The following FBLN5 variants were observed in gnomAD, a reference collection of about 807,000 sequenced individuals.
FBLN5 encodes fibulin 5.
A neutral mutation model predicts 61.6 loss-of-function variants in FBLN5; 24 were observed. The observed-to-expected ratio is 0.39, with a 90% CI of 0.28 to 0.55. FBLN5 has a LOEUF of 0.55. Among genes scored for constraint, FBLN5 ranks in the 20% least tolerant of loss-of-function variants. FBLN5 has a pLI of 0.65. For missense variants in FBLN5, 470 were observed against 594.1 expected, an observed-to-expected ratio of 0.79 and a Z score of 2.17; for synonymous variants, 213 against 219.8, an observed-to-expected ratio of 0.97 and a Z score of 0.27.
chr14:91,894,991 G>A lies in FBLN5; in HGVS notation c.461C>T (p.Ser154Phe), dbSNP rs755624138. 1 of 1,614,152 alleles carries A rather than the reference G, an allele frequency of 6.2e-7. No individual in the cohort carries two copies. The highest frequency in any genetic ancestry group is 2.2e-5 in the East Asian group (1 of 44,876). ...CINTEGGYTC[S>F]CTDGYWLLEG... ...CAGAAGCCAATATCCGTCGGTGCAG[G>A]AGCAGGTGTACCCGCCTTCAGTATT... Residue 154 changes from serine to phenylalanine, a missense_variant, in exon 5 of 11, where the codon TCC (serine) becomes TTC (phenylalanine). Transcript: ENST00000342058.
intron 4 of FBLN5, among the ~76,000 whole-genome samples, chr14:91,931,036 G>A (rs556835651): frequency 1.3e-5 from 2 of 152,166 alleles, no homozygotes; most frequent in Admixed American, 6.5e-5. Context: ...GATACTCTGC[G>A]TAAACACTGG....
intron 4 of FBLN5, among the ~76,000 whole-genome samples, chr14:91,905,919 G>A (rs150026065): frequency 5.3e-4 from 79 of 150,350 alleles, no homozygotes; most frequent in African/African-American, 1.6e-3. Flanking sequence ...ACAAAGTCTC[G>A]CTTTGTCACC....
chr14:91,888,433 C>T (rs1454279966), intron 6 of FBLN5, among the ~76,000 whole-genome samples: 6 of 151,734 alleles, frequency 4.0e-5, no homozygotes, highest in African/African-American at 4.8e-5. Context: ...GGTGAAGTCC[C>T]GTCTCTACTA....
At chr14:91,935,520 T>C (rs1044817163) in intron 4 of FBLN5, among the ~76,000 whole-genome samples, 3 of 152,198 alleles carry the variant, frequency 2.0e-5, no homozygotes, top group Admixed American at 6.5e-5. Context: ...CCTCTATCTC[T>C]GCATTTTCTT....
chr14:91,901,397 T>A (rs1175648638), intron 4 of FBLN5, among the ~76,000 whole-genome samples: 2 of 152,210 alleles, frequency 1.3e-5, no homozygotes, highest in Non-Finnish European at 2.9e-5. Context: ...TCTTCCTTTT[T>A]TGGATATGGC....
intron 7 of FBLN5, 144 bp from the exon 8 acceptor site, chr14:91,883,220 A>C: frequency 1.2e-6 from 1 of 855,612 alleles, no homozygotes; most frequent in Non-Finnish European, 1.9e-6. Flanking sequence ...CTTCTCCAGC[A>C]CTTCTAGCAA....
rs569022785 is a variant in FBLN5 at position 91,915,348 on chromosome 14, T to C, written c.380-20276A>G. Among the ~76,000 whole-genome samples the C allele has an allele frequency of 3.3e-5, 5 of 151,956 alleles. No homozygotes were observed. The South Asian group carries it at 1.0e-3, about 32-fold the overall frequency. On this transcript the variant is annotated intron_variant, in intron 4 of 10. Transcript: ENST00000342058. ...AAAAGGTAACTATGTAAAACTGACT[T>C]AAGAAGAAACAGAAAGTGCAAACAG...
Position 91,870,044 on chromosome 14 carries a change from G to T in FBLN5, c.*180C>A. 1.5e-6 allele frequency: 1 copy of T among 672,068 alleles called. No homozygotes were observed. Among genetic ancestry groups the T allele is most frequent in the South Asian group, 1.6e-5 (1 of 61,006 alleles). The allele number at this position is 672,068 out of a possible 1,614,324, so 41.6% of individuals were successfully genotyped here. A position where few individuals can be genotyped will look rare whatever the true frequency, so the allele number is the denominator to read the frequency against. On this transcript the variant is annotated 3_prime_UTR_variant, in exon 11 of 11. Coordinates refer to ENST00000342058, the MANE Select transcript of FBLN5 (RefSeq NM_006329.4). ...ATAGGAACTGGGGGTGGCAAGTCCT[G>T]CAGGGTGACAGGTCTGCAATAGTAC...
chr14:91,920,531 T>C (rs1217964173), intron 4 of FBLN5, among the ~76,000 whole-genome samples: 2 of 152,006 alleles, frequency 1.3e-5, no homozygotes, highest in Non-Finnish European at 2.9e-5. Flanking sequence ...TGGGCTTTAT[T>C]CAGCGCTGCC....
At chr14:91,873,791 C>T (rs1889047555) in intron 10 of FBLN5, 2 of 152,270 alleles carry the variant, frequency 1.3e-5, no homozygotes, top group African/African-American at 4.8e-5. Flanking sequence ...CCCAAACACA[C>T]TCAGGTTTAT....
intron 4 of FBLN5, among the ~76,000 whole-genome samples, chr14:91,934,786 T>C (rs562644922): frequency 1.1e-4 from 17 of 152,170 alleles, no homozygotes; most frequent in African/African-American, 4.1e-4. Context: ...CCTCCCACCT[T>C]CCGCCACGGT....
chr14:91,919,378 A>AAGGAAGG (rs762859114), intron 4 of FBLN5, among the ~76,000 whole-genome samples: 7 of 62,212 alleles, frequency 1.1e-4, no homozygotes, highest in Non-Finnish European at 1.5e-4. Context: ...AAAGAAAAGA[A>AAGGAAGG]AAGAAAGAAA....
chr14:91,891,543 C>T (rs1443891094), intron 5 of FBLN5, among the ~76,000 whole-genome samples: 1 of 152,176 alleles, frequency 6.6e-6, no homozygotes, highest in Non-Finnish European at 1.5e-5. Flanking sequence ...CTTTCCCCTC[C>T]TCGACCCATC....
chr14:91,935,183 G>A (rs1052601212), intron 4 of FBLN5, among the ~76,000 whole-genome samples: 3 of 152,244 alleles, frequency 2.0e-5, no homozygotes, highest in Non-Finnish European at 4.4e-5. Context: ...ATGGCATGAC[G>A]TCAGAGGGAC....
chr14:91,896,437 A>ATCTACACCTTTTCTCCG, intron 4 of FBLN5, among the ~76,000 whole-genome samples: 1 of 126,134 alleles, frequency 7.9e-6, no homozygotes, highest in African/African-American at 2.6e-5. Flanking sequence ...CCTTTTCTCC[A>ATCTACACCTTTTCTCCG]CCTTCACCGA....
chr14:91,925,529 A>G (rs1014094783), intron 4 of FBLN5, among the ~76,000 whole-genome samples: 2 of 152,130 alleles, frequency 1.3e-5, no homozygotes, highest in Admixed American at 1.3e-4. Context: ...ATGTAATACA[A>G]TTGAGTGGTG....
At chr14:91,880,528 T>TGC (rs892055786) in intron 9 of FBLN5, among the ~76,000 whole-genome samples, 2 of 19,858 alleles carry the variant, frequency 1.0e-4, no homozygotes, top group Non-Finnish European at 2.2e-4. Context: ...TGTGCGTGCG[T>TGC]GTGTGTGTGT....
intron 1 of FBLN5, among the ~76,000 whole-genome samples, chr14:91,944,308 G>A (rs1379697501): frequency 6.6e-6 from 1 of 152,216 alleles, no homozygotes; most frequent in African/African-American, 2.4e-5. Flanking sequence ...ATGGAAAAGA[G>A]CAAGCGTTAG....
intron 5 of FBLN5, among the ~76,000 whole-genome samples, chr14:91,892,220 G>A (rs1890026089): frequency 6.6e-6 from 1 of 152,214 alleles, no homozygotes; most frequent in Admixed American, 6.5e-5. Flanking sequence ...TGTGGGGTAA[G>A]GGTAGTGAAT....
Sources: gnomAD v4.1 joint callset for allele counts (sites outside exome capture counted in the v4.1 genomes callset) on GRCh38, gnomAD v4.1.1 for gene constraint, MANE v1.5 for transcripts, NCBI Gene and HGNC (gene_info 2026-07-23, HGNC 2026-07-21) for gene names.